The following DDX11 variants were observed in gnomAD, a reference collection of about 807,000 sequenced individuals.
DDX11 encodes the protein ATP-dependent DNA helicase DDX11.
A neutral mutation model predicts 125.2 loss-of-function variants in DDX11; 72 were observed. The observed-to-expected ratio is 0.58, with a 90% CI of 0.48 to 0.70. The LOEUF (loss-of-function observed/expected upper bound fraction) is 0.70, where lower values mean the gene tolerates loss of function less well. DDX11 is among the 30% of genes least tolerant of loss of function. The pLI is 0.00. For synonymous variants in DDX11, 347 were observed against 452.6 expected (o/e 0.77, Z 2.96); for missense variants, 883 against 1,165.0 (o/e 0.76, Z 3.52).
intron 6 of DDX11, 36 bp downstream of exon 6, chr12:31,088,019 G>C (rs369807385): frequency 7.5e-5 from 121 of 1,607,066 alleles, no homozygotes; most frequent in Middle Eastern, 1.6e-4. Context: ...CTGTGCTGGG[G>C]GTATAGGCTG....
intron 12 of DDX11, chr12:31,093,744 A>G (rs1377430858): frequency 4.8e-6 from 1 of 207,314 alleles, no homozygotes; most frequent in South Asian, 7.4e-5. Flanking sequence ...AAAAAAAAAA[A>G]GAAGGGTCTT....
intron 5 of DDX11, among the ~76,000 whole-genome samples, chr12:31,086,472 C>T (rs1438074937): frequency 6.6e-6 from 1 of 151,876 alleles, no homozygotes; most frequent in Non-Finnish European, 1.5e-5. Context: ...TGAACTTCGA[C>T]TTCTGCCCCT....
At chr12:31,097,043 G>A (rs1227703342) in intron 17 of DDX11, 53 bp downstream of exon 17, 13 of 1,608,596 alleles carry the variant, frequency 8.1e-6, no homozygotes, top group Non-Finnish European at 1.1e-5. Flanking sequence ...GCCAAGCTGA[G>A]CCCGGGAGCC....
rs1592734982 is a variant in DDX11 at position 31,094,677 on chromosome 12, A to C, written c.1414+43A>C. On this transcript the variant is annotated intron_variant, in intron 13 of 26. Coordinates refer to ENST00000542838, the MANE Select transcript of DDX11 (RefSeq NM_030653.4). ...AGAGGGCCCAGAGCTGATCTGAGCCACTTCCGAGCTTAACCCTGGGACTGA... is the reference window on the plus strand; with the variant it reads ...AGAGGGCCCAGAGCTGATCTGAGCCCCTTCCGAGCTTAACCCTGGGACTGA... 10 of 1,543,502 alleles carry C rather than the reference A, an allele frequency of 6.5e-6. No homozygotes were observed. The East Asian group carries it at 2.4e-4, about 37-fold the overall frequency.
chr12:31,094,880 G>C (rs1338959322), intron 14 of DDX11, 58 bp downstream of exon 14: 1 of 1,585,670 alleles, frequency 6.3e-7, no homozygotes, highest in Middle Eastern at 1.7e-4. Context: ...CACCACCTGT[G>C]GGTAAAGTAC....
intron 13 of DDX11, 59 bp from the exon 14 acceptor site, chr12:31,094,696 G>C: frequency 6.4e-7 from 1 of 1,565,126 alleles, no homozygotes; most frequent in Non-Finnish European, 8.7e-7. Context: ...CTTAACCCTG[G>C]GACTGAAACC....
chr12:31,083,992 T>G lies in DDX11; in HGVS notation c.324T>G (p.Ala108=). The G allele has an allele frequency of 6.2e-7, 1 of 1,613,954 alleles. No homozygotes were observed. The highest frequency in any genetic ancestry group is 1.1e-5 in the South Asian group (1 of 91,064). Residue 108 remains alanine (A), a synonymous_variant, in exon 3 of 27, where the codon GCT becomes GCG. Transcript: ENST00000542838. ...GGGCTGCAGGCACCCCGAGGCCTGC[T>G]GGAGAACCGGCCTGGGTTACTCAGT... ...CEGAAGTPRP[A]GEPAWVTQFV... is the part of the protein sequence containing the mutation.
At chr12:31,078,922 C>CGT (rs1941285891) in intron 2 of DDX11, among the ~76,000 whole-genome samples, 1 of 152,092 alleles carries the variant, frequency 6.6e-6, no homozygotes, top group South Asian at 2.1e-4. Context: ...CTTCTGACCT[C>CGT]GTGATCCGCC....
chr12:31,099,279 G>T (rs534947664), intron 18 of DDX11, among the ~76,000 whole-genome samples: 2,824 of 151,694 alleles, frequency 0.019, 47 homozygotes, highest in African/African-American at 0.065. Context: ...TAGAGATGGG[G>T]TTTTACCATG....
In DDX11 at chr12:31,094,963, G is replaced by C. The variant is rs968524900; in HGVS notation, c.1482+141G>C. The C allele has an allele frequency of 4.3e-6, 4 of 922,778 alleles. No homozygotes were observed. The African/African-American group carries it at 6.6e-5, about 15-fold the overall frequency. The allele number at this position is 922,778 out of a possible 1,614,324, so 57.2% of individuals were successfully genotyped here. A position where few individuals can be genotyped will look rare whatever the true frequency, so the allele number is the denominator to read the frequency against. On this transcript the variant is annotated intron_variant, in intron 14 of 26. Coordinates refer to ENST00000542838, the MANE Select transcript of DDX11 (RefSeq NM_030653.4). ...ACTTAACCCTTAACGCAACATGCCT[G>C]TGAGACAAAAGTCATCTTCTTTTAG...
chr12:31,087,916 C>G, intron 5 of DDX11, 22 bp from the exon 6 acceptor site: 3 of 1,606,876 alleles, frequency 1.9e-6, no homozygotes, highest in Non-Finnish European at 2.5e-6. Flanking sequence ...AGACTGTTTT[C>G]TGTTCTCTCT....
intron 2 of DDX11, among the ~76,000 whole-genome samples, chr12:31,080,592 GTGTCTCTGCCGAAATCACTTCCA>G (rs1941712499): frequency 9.2e-6 from 1 of 109,184 alleles, no homozygotes; most frequent in African/African-American, 4.1e-5. Flanking sequence ...TTGGGCTTGA[GTGTCTCTGCCGAAATCACTTCCA>G]TGTCTCTGCC....
chr12:31,096,802 T>C, intron 16 of DDX11, 57 bp downstream of exon 16: 1 of 1,614,138 alleles, frequency 6.2e-7, no homozygotes, highest in South Asian at 1.1e-5. Flanking sequence ...AGGACTTCTG[T>C]TCCTCATGTG....
At chr12:31,094,360 C>A (rs1183307549) in intron 12 of DDX11, 1 of 571,386 alleles carries the variant, frequency 1.8e-6, no homozygotes, top group African/African-American at 1.9e-5. Context: ...CATGAACTTA[C>A]AGGGCTTTGG....
chr12:31,085,257 G>A (rs1271498624), intron 5 of DDX11, 131 bp downstream of exon 5: 2 of 1,308,662 alleles, frequency 1.5e-6, no homozygotes, highest in Admixed American at 2.0e-5. Flanking sequence ...TCTGCTCTAA[G>A]CCGGGTCCTT....
intron 12 of DDX11, 133 bp downstream of exon 12, chr12:31,093,457 T>G (rs1377004302): frequency 1.6e-6 from 2 of 1,224,896 alleles, no homozygotes; most frequent in Non-Finnish European, 2.3e-6. Context: ...GGCTCACGCC[T>G]GTAATCCCAG....
chr12:31,098,773 G>C (rs893611848), intron 18 of DDX11, among the ~76,000 whole-genome samples: 2 of 152,204 alleles, frequency 1.3e-5, no homozygotes, highest in African/African-American at 4.8e-5. Context: ...CATATTAAAA[G>C]TTGTTTACAG....
At chr12:31,088,773 C>G (rs11051239) in intron 6 of DDX11, among the ~76,000 whole-genome samples, 71,000 of 152,114 alleles carry the variant, frequency 0.47, 16,890 homozygotes, top group East Asian at 0.59. Flanking sequence ...GGCCAACCCC[C>G]CAAAAGCGGT....
chr12:31,085,798 C>T (rs1943021357), intron 5 of DDX11, among the ~76,000 whole-genome samples: 2 of 152,076 alleles, frequency 1.3e-5, no homozygotes. Context: ...ATGGAGGGGA[C>T]AGTTAATAGA....
Sources: allele counts gnomAD v4.1 joint callset (sites outside exome capture counted in the v4.1 genomes callset), GRCh38; gene constraint gnomAD v4.1.1; transcripts MANE v1.5; gene names NCBI Gene and HGNC (gene_info 2026-07-23, HGNC 2026-07-21).